Variants in ELOVL5 observed in about 807,000 individuals in gnomAD.
ELOVL5 encodes very long chain fatty acid elongase 5.
ELOVL5 carries 8 observed loss-of-function variants against 38.6 expected under a neutral mutation model. That is an observed-to-expected ratio of 0.21 (90% CI 0.12 to 0.37). ELOVL5 has a LOEUF of 0.37. Among genes scored for constraint, ELOVL5 ranks in the 10% least tolerant of loss-of-function variants. The pLI is 1.00. For synonymous variants in ELOVL5, 127 were observed against 133.7 expected (o/e 0.95, Z 0.34); for missense variants, 280 against 367.8 (o/e 0.76, Z 1.95).
Position 53,275,139 on chromosome 6 carries a change from C to T in ELOVL5, c.447G>A (p.Ser149=), listed in dbSNP as rs1441960245. The change falls in exon 5 of 8, where the codon TCG becomes TCA. Residue 149 remains serine, a synonymous_variant. Transcript: ENST00000304434. ...ITVLHVYHHA[S]MLNIWWFVMN... The stretch of plus-strand genomic sequence containing the variant: ...TCACAAACCACCAGATGTTCAGCAT[C>T]GAGGCATGGTGGTAGACGTGCAGGA... The T allele has an allele frequency of 8.1e-6, 13 of 1,613,990 alleles. 1 individual carries two copies. Among genetic ancestry groups the T allele is most frequent in the South Asian group, 2.2e-5 (2 of 91,090 alleles).
intron 1 of ELOVL5, among the ~76,000 whole-genome samples, chr6:53,339,533 A>C (rs1769230370): frequency 6.6e-6 from 1 of 152,244 alleles, no homozygotes; most frequent in Non-Finnish European, 1.5e-5. Flanking sequence ...CACGCATCGC[A>C]TAATGACCTT....
chr6:53,305,688 C>T (rs9474483), intron 1 of ELOVL5, among the ~76,000 whole-genome samples: 53,726 of 149,408 alleles, frequency 0.36, 10,720 homozygotes, highest in African/African-American at 0.55. Context: ...GGTAGGATGG[C>T]GGCCGGGCAG....
chr6:53,300,809 G>A (rs1462593248), intron 1 of ELOVL5, among the ~76,000 whole-genome samples: 1 of 152,204 alleles, frequency 6.6e-6, no homozygotes, highest in African/African-American at 2.4e-5. Flanking sequence ...ACCTTTCAGA[G>A]AGCTTGTGGC....
At chr6:53,309,641 G>A (rs1767744587) in intron 1 of ELOVL5, among the ~76,000 whole-genome samples, 1 of 152,156 alleles carries the variant, frequency 6.6e-6, no homozygotes, top group Admixed American at 6.6e-5. Flanking sequence ...TAAAGCAAAA[G>A]GGATGGTATG....
chr6:53,270,686 G>A lies in ELOVL5; in HGVS notation c.663C>T (p.Val221=), dbSNP rs1219073486. The change falls in exon 7 of 8, where the codon GTC becomes GTT. Residue 221 remains valine (V), a synonymous_variant. Coordinates refer to ENST00000304434, the MANE Select transcript of ELOVL5 (RefSeq NM_021814.5). ...VLTIIQTSCG[V]IWPCTFPLGW... ...CAAGAGGGAATGTGCACGGCCAGAT[G>A]ACCCCGCAGCTGGTCTGGATGATTG... The A allele has an allele frequency of 2.5e-6, 4 of 1,614,078 alleles. No individual in the cohort carries two copies. In the South Asian group the frequency reaches 4.4e-5, roughly 18 times the overall value.
At chr6:53,295,363 T>C (rs937435153) in intron 2 of ELOVL5, among the ~76,000 whole-genome samples, 2 of 152,288 alleles carry the variant, frequency 1.3e-5, no homozygotes, top group East Asian at 1.9e-4. Context: ...CTGCCAAGAA[T>C]TGAGAAAAAA....
At chr6:53,297,324 G>T (rs191729485) in intron 1 of ELOVL5, among the ~76,000 whole-genome samples, 5 of 152,280 alleles carry the variant, frequency 3.3e-5, no homozygotes, top group African/African-American at 9.6e-5. Flanking sequence ...TGCTTTCTGA[G>T]ATTTCAATTA....
Position 53,294,165 on chromosome 6 carries a change from T to C in ELOVL5, c.58+1477A>G, listed in dbSNP as rs58057002. ...ACTCATCTTTCCAAATTGGCACATATTCATCCTCCCACACCGCACAGTGCT... is the reference window on the plus strand; with the variant it reads ...ACTCATCTTTCCAAATTGGCACATACTCATCCTCCCACACCGCACAGTGCT... On this transcript the variant is annotated intron_variant, in intron 2 of 7. Transcript: ENST00000304434. 3,239 of 1,423,088 alleles carry C rather than the reference T, an allele frequency of 2.3e-3. 59 individuals carry two copies. The African/African-American group carries it at 0.041, about 18-fold the overall frequency. The allele number at this position is 1,423,088 out of a possible 1,614,324, so 88.2% of individuals were successfully genotyped here. A position where few individuals can be genotyped will look rare whatever the true frequency, so the allele number is the denominator to read the frequency against.
intron 1 of ELOVL5, among the ~76,000 whole-genome samples, chr6:53,306,073 G>A (rs1390464971): frequency 6.6e-6 from 1 of 151,272 alleles, no homozygotes; most frequent in Non-Finnish European, 1.5e-5. Context: ...GCGTGGCGGC[G>A]CGCGCCTGCA....
intron 1 of ELOVL5, among the ~76,000 whole-genome samples, chr6:53,314,346 G>GCC (rs1014123039): frequency 2.7e-4 from 41 of 152,140 alleles, no homozygotes; most frequent in African/African-American, 8.9e-4. Context: ...TCAGTTAGGT[G>GCC]CCCACCTACA....
Position 53,295,637 on chromosome 6 carries a change from C to T in ELOVL5, c.58+5G>A. 6.3e-7 allele frequency: 1 copy of T among 1,599,924 alleles called. No individual in the cohort carries two copies. Among genetic ancestry groups the T allele is most frequent in the Non-Finnish European group, 8.5e-7 (1 of 1,175,502 alleles). ...GAAGGTAAGCAAAACCAAAAACCAC[C>T]TTACCTCGAGGGCCTAGCAATGCCT... On this transcript the variant is annotated splice_donor_5th_base_variant and intron_variant, in intron 2 of 7. Transcript: ENST00000304434.
At position 53,269,215 on chromosome 6, in the gene ELOVL5, T is replaced by G. The variant is rs1451923284; in HGVS notation, c.812A>C (p.Asn271Thr). 6 of 1,613,670 alleles carry G rather than the reference T, an allele frequency of 3.7e-6. No individual in the cohort carries two copies. Residue 271 changes from asparagine (N) to threonine (T), a missense_variant, in exon 8 of 8, where the codon AAT becomes ACT. By Grantham distance (65) the Asn-to-Thr change is moderately conservative. Around this residue, in one of 3 missense-constraint regions of ELOVL5, gnomAD observed 125 missense variants for 158.9 expected, o/e 0.79. Coordinates refer to ENST00000304434, the MANE Select transcript of ELOVL5 (RefSeq NM_021814.5). ...RRKDHLKDHQ[N>T]GSMAAVNGHT... The stretch of plus-strand genomic sequence containing the variant: ...TCCATTCACAGCAGCCATGGACCCA[T>G]TCTGGTGGTCCTTCAGGTGGTCTTT...
At chr6:53,328,458 C>G (rs77551652) in intron 1 of ELOVL5, among the ~76,000 whole-genome samples, 1 of 152,122 alleles carries the variant, frequency 6.6e-6, no homozygotes, top group South Asian at 2.1e-4. Flanking sequence ...TATTTACAGT[C>G]CCCAAAGTAG....
At chr6:53,270,447 G>T in intron 7 of ELOVL5, 146 bp downstream of exon 7, 1 of 791,958 alleles carries the variant, frequency 1.3e-6, no homozygotes, top group Non-Finnish European at 2.0e-6. Context: ...CCCCCCAGAG[G>T]CAGGGGCTGC....
chr6:53,297,239 C>G (rs1191103779), intron 1 of ELOVL5, among the ~76,000 whole-genome samples: 1 of 152,194 alleles, frequency 6.6e-6, no homozygotes, highest in Non-Finnish European at 1.5e-5. Context: ...GTTACAAAAC[C>G]TTAGCACAAG....
At chr6:53,272,822 C>T (rs1765973810) in intron 6 of ELOVL5, among the ~76,000 whole-genome samples, 1 of 152,074 alleles carries the variant, frequency 6.6e-6, no homozygotes, top group Admixed American at 6.6e-5. Context: ...CTACACATAC[C>T]CTGGACTCCA....
At position 53,287,057 on chromosome 6, in the gene ELOVL5, C is replaced by T. The variant is rs137899710; in HGVS notation, c.246+4719G>A. ...ATATTTTCAAATAGTTCCAAAATTA[C>T]AATTTAAAATAAAAATTGAAAAGGG... On this transcript the variant is annotated intron_variant, in intron 3 of 7. Coordinates refer to ENST00000304434, the MANE Select transcript of ELOVL5 (RefSeq NM_021814.5). 7.0e-4 allele frequency among the ~76,000 whole-genome samples: 106 copies of T among 152,216 alleles called. 1 individual carries two copies. In the East Asian group the frequency reaches 0.018, roughly 26 times the overall value.
chr6:53,327,583 G>A (rs1184556963), intron 1 of ELOVL5, among the ~76,000 whole-genome samples: 1 of 152,210 alleles, frequency 6.6e-6, no homozygotes, highest in Non-Finnish European at 1.5e-5. Flanking sequence ...CTTTGGGGAT[G>A]TGAAAATGTT....
intron 1 of ELOVL5, among the ~76,000 whole-genome samples, chr6:53,327,748 A>T (rs1768612443): frequency 6.6e-6 from 1 of 152,218 alleles, no homozygotes; most frequent in Non-Finnish European, 1.5e-5. Context: ...CTTCCAATTC[A>T]TACAGTATCT....
Sources: gnomAD v4.1 joint callset for allele counts (sites outside exome capture counted in the v4.1 genomes callset) on GRCh38, gnomAD v4.1.1 for gene constraint, gnomAD v4.1.1 regional missense constraint, MANE v1.5 for transcripts, NCBI Gene and HGNC (gene_info 2026-07-23, HGNC 2026-07-21) for gene names.